ATRNL1: variants seen among roughly 807,000 people sequenced by gnomAD.
ATRNL1 encodes the protein attractin-like protein 1.
In ATRNL1, 95 loss-of-function variants were observed where a neutral mutation model predicts 182.7. The observed-to-expected ratio is 0.52, with a 90% confidence interval of 0.44 to 0.62. The LOEUF (loss-of-function observed/expected upper bound fraction) is 0.62. Among genes scored for constraint, ATRNL1 ranks in the 20% least tolerant of loss-of-function variants. The pLI is 0.00. For missense variants in ATRNL1, 1,471 were observed against 1,679.5 expected (o/e 0.88, Z 2.17); for synonymous variants, 576 against 568.3 (o/e 1.01, Z -0.19).
intron 27 of ATRNL1, among the ~76,000 whole-genome samples, chr10:115,762,720 TC>T (rs1565356920): frequency 1.3e-5 from 2 of 152,026 alleles, no homozygotes; most frequent in African/African-American, 4.8e-5. Flanking sequence ...AAAGTTACTA[TC>T]AATAATTTAT....
At chr10:115,102,276 T>A (rs1465523668) in intron 1 of ATRNL1, among the ~76,000 whole-genome samples, 1 of 152,222 alleles carries the variant, frequency 6.6e-6, no homozygotes. Context: ...TATCCTTTTT[T>A]CATTAATGTC....
chr10:115,835,994 A>G (rs373563159), intron 27 of ATRNL1, among the ~76,000 whole-genome samples: 53 of 152,306 alleles, frequency 3.5e-4, no homozygotes, highest in African/African-American at 1.2e-3. Context: ...CTACTTCCCA[A>G]TGAACCTCCT....
chr10:115,276,245 C>A (rs1047408292), intron 13 of ATRNL1, among the ~76,000 whole-genome samples: 18 of 152,032 alleles, frequency 1.2e-4, no homozygotes, highest in African/African-American at 4.3e-4. Context: ...TAAATTACGT[C>A]CCAAAAGTTG....
intron 1 of ATRNL1, among the ~76,000 whole-genome samples, chr10:115,098,790 G>C (rs2085086612): frequency 6.6e-6 from 1 of 152,008 alleles, no homozygotes; most frequent in Non-Finnish European, 1.5e-5. Flanking sequence ...AGGCTTGTCT[G>C]ACTCTTCACA....
chr10:115,546,304 C>T (rs1038563974), intron 25 of ATRNL1, among the ~76,000 whole-genome samples: 15 of 152,022 alleles, frequency 9.9e-5, no homozygotes, highest in African/African-American at 3.6e-4. Flanking sequence ...GTGGCTCACA[C>T]CTGTAATCCC....
At chr10:115,937,365 T>C (rs1555123100) in intron 28 of ATRNL1, among the ~76,000 whole-genome samples, 1 of 152,254 alleles carries the variant, frequency 6.6e-6, no homozygotes, top group African/African-American at 2.4e-5. Context: ...GGGAAATATC[T>C]CTTCAAATGA....
At chr10:115,593,073 G>A (rs906582994) in intron 26 of ATRNL1, among the ~76,000 whole-genome samples, 53 of 152,188 alleles carry the variant, frequency 3.5e-4, no homozygotes, top group African/African-American at 1.2e-3. Flanking sequence ...TGAGGGGCAT[G>A]CATCTAGCAA....
intron 10 of ATRNL1, among the ~76,000 whole-genome samples, chr10:115,243,678 T>A (rs1337909284): frequency 6.6e-6 from 1 of 152,134 alleles, no homozygotes; most frequent in Non-Finnish European, 1.5e-5. Flanking sequence ...GTAATGCTTG[T>A]TTCTTAATGC....
intron 15 of ATRNL1, among the ~76,000 whole-genome samples, chr10:115,297,256 T>G (rs2133966675): frequency 6.6e-6 from 1 of 152,346 alleles, no homozygotes; most frequent in South Asian, 2.1e-4. Context: ...TGTAAAGTAT[T>G]ATTTTTAGCA....
intron 24 of ATRNL1, among the ~76,000 whole-genome samples, chr10:115,490,126 A>G (rs1381654612): frequency 2.0e-5 from 3 of 152,070 alleles, no homozygotes; most frequent in African/African-American, 7.2e-5. Flanking sequence ...TTTGTGGGTA[A>G]CCCGACCTTT....
intron 1 of ATRNL1, 73 bp downstream of exon 1, chr10:115,094,116 C>A (rs2084949378): frequency 1.6e-6 from 2 of 1,271,124 alleles, no homozygotes; most frequent in South Asian, 4.5e-5. Context: ...GCCCCCCTCG[C>A]GGCCTCCCCC....
chr10:115,362,015 A>G (rs1363392105), intron 19 of ATRNL1, among the ~76,000 whole-genome samples: 1 of 152,098 alleles, frequency 6.6e-6, no homozygotes, highest in Non-Finnish European at 1.5e-5. Flanking sequence ...ACAGGTGCCT[A>G]ATATCCTAAA....
At chr10:115,276,410 C>T (rs2133911296) in intron 13 of ATRNL1, among the ~76,000 whole-genome samples, 1 of 152,204 alleles carries the variant, frequency 6.6e-6, no homozygotes, top group Non-Finnish European at 1.5e-5. Flanking sequence ...AAATTGCTAT[C>T]AAGTATTTAT....
Position 115,487,058 on chromosome 10 carries a change from GTAT to G in ATRNL1, c.3654+17734_3654+17736del, listed in dbSNP as rs577491686. Among the ~76,000 whole-genome samples the G allele has an allele frequency of 1.8e-4, 27 of 152,142 alleles. No individual in the cohort carries two copies. The South Asian group carries it at 5.4e-3, about 30-fold the overall frequency. On this transcript the variant is annotated intron_variant, in intron 24 of 28. Coordinates refer to ENST00000355044, the MANE Select transcript of ATRNL1 (RefSeq NM_207303.4). The stretch of plus-strand genomic sequence containing the variant: ...AAGATCAGATGGTTGTAGATGTGTG[GTAT>G]TATTTCTGAGTCTTCTGTTCTGTTC...
intron 5 of ATRNL1, among the ~76,000 whole-genome samples, chr10:115,148,319 T>C (rs1477282517): frequency 6.6e-6 from 1 of 152,204 alleles, no homozygotes; most frequent in African/African-American, 2.4e-5. Context: ...CTGAATTCAT[T>C]TATTACATTT....
rs536472142 is a variant in ATRNL1 at position 115,378,491 on chromosome 10, G to T, written c.3176-16168G>T. Reference sequence around the variant, plus strand: ...AACTGTTTTACAACTGTAAATAAGAGATACTGGGACCAAGATCCAAGGCTG... The same window carrying T: ...AACTGTTTTACAACTGTAAATAAGATATACTGGGACCAAGATCCAAGGCTG... On this transcript the variant is annotated intron_variant, in intron 19 of 28. Coordinates refer to ENST00000355044, the MANE Select transcript of ATRNL1 (RefSeq NM_207303.4). Among the ~76,000 whole-genome samples the T allele has an allele frequency of 5.9e-5, 9 of 152,328 alleles. No homozygotes were observed. The South Asian group carries it at 6.2e-4, about 11-fold the overall frequency.
chr10:115,196,943 A>T (rs564803395), intron 8 of ATRNL1, among the ~76,000 whole-genome samples: 1 of 152,252 alleles, frequency 6.6e-6, no homozygotes, highest in East Asian at 1.9e-4. Flanking sequence ...TACTGAGTAG[A>T]AGTAGTGACA....
chr10:115,408,470 GCT>G (rs1327685761), intron 20 of ATRNL1, among the ~76,000 whole-genome samples: 2 of 152,088 alleles, frequency 1.3e-5, no homozygotes, highest in African/African-American at 4.8e-5. Flanking sequence ...ATGTATTCTG[GCT>G]CTTAATATCC....
chr10:115,640,242 G>T (rs1024122354), intron 26 of ATRNL1, among the ~76,000 whole-genome samples: 5 of 152,178 alleles, frequency 3.3e-5, no homozygotes, highest in Admixed American at 2.6e-4. Context: ...ACATATATGT[G>T]CATGTGTCTT....
Sources: gnomAD v4.1 joint callset for allele counts (sites outside exome capture counted in the v4.1 genomes callset) on GRCh38, gnomAD v4.1.1 for gene constraint, MANE v1.5 for transcripts, NCBI Gene and HGNC (gene_info 2026-07-23, HGNC 2026-07-21) for gene names.